ITGB5: variants seen among roughly 807,000 people sequenced by gnomAD.
ITGB5 encodes the protein integrin subunit beta 5, also known as integrin beta-5.
Under a neutral mutation model 84.8 loss-of-function variants are expected in ITGB5, and 38 were observed. The observed-to-expected ratio is 0.45, with a 90% confidence interval of 0.35 to 0.59. The LOEUF (loss-of-function observed/expected upper bound fraction) is 0.59, where lower values mean the gene tolerates loss of function less well. ITGB5 is among the 20% of genes least tolerant of loss of function. ITGB5 has a pLI of 0.01. For missense variants in ITGB5, 905 were observed against 1,034.5 expected (o/e 0.87, Z 1.72); for synonymous variants, 393 against 414.4 (o/e 0.95, Z 0.63).
At chr3:124,868,829 A>AT (rs1236563718) in intron 2 of ITGB5, among the ~76,000 whole-genome samples, 1 of 151,864 alleles carries the variant, frequency 6.6e-6, no homozygotes, top group Non-Finnish European at 1.5e-5. Context: ...ATGATTAAAA[A>AT]TGAAAAAAAA....
chr3:124,795,034 T>C (rs1306802058), intron 10 of ITGB5, among the ~76,000 whole-genome samples: 1 of 152,060 alleles, frequency 6.6e-6, no homozygotes, highest in African/African-American at 2.4e-5. Context: ...GATAGCACCC[T>C]CGGACAAGGA....
At position 124,765,659 on chromosome 3, in the gene ITGB5, G is replaced by A. The variant is rs114047081; in HGVS notation, c.2137+567C>T. Among the ~76,000 whole-genome samples the A allele has an allele frequency of 5.2e-3, 792 of 152,234 alleles. 8 individuals carry two copies. The highest frequency in any genetic ancestry group is 0.018 in the African/African-American group (750 of 41,526). ...TATAACTCCCATTGCCCTGACTCAC[G>A]CTCCCACTAGCGCTTGCCCCAAGAA... is the stretch of plus-strand genomic sequence containing the variant. On this transcript the variant is annotated intron_variant, in intron 13 of 14. Coordinates refer to ENST00000296181, the MANE Select transcript of ITGB5 (RefSeq NM_002213.5).
upstream of ITGB5, among the ~76,000 whole-genome samples, chr3:124,891,133 G>A (rs1934992199): frequency 6.6e-6 from 1 of 152,080 alleles, no homozygotes; most frequent in African/African-American, 2.4e-5. Flanking sequence ...GAAATTTTAT[G>A]TTTCTTATTG....
At chr3:124,892,750 C>T (rs531761624) in intron 1 of ITGB5, among the ~76,000 whole-genome samples, 2 of 147,260 alleles carry the variant, frequency 1.4e-5, no homozygotes, top group East Asian at 3.9e-4. Context: ...TCTATTTTAC[C>T]TGTAAAAATA....
chr3:124,775,303 A>AGT (rs145657259), intron 10 of ITGB5, among the ~76,000 whole-genome samples: 25,040 of 151,876 alleles, frequency 0.16, 2,266 homozygotes, highest in Admixed American at 0.25. Context: ...AGTGTGCATG[A>AGT]GTGTGTACAA....
At position 124,873,338 on chromosome 3, in the gene ITGB5, A is replaced by G. The variant is rs1469425580; in HGVS notation, c.156+108T>C. ...GGAAGAGGCAGCTTACAGAATCTGC[A>G]CAGGATTTTTATGTATAGTGAATTA... On this transcript the variant is annotated intron_variant, in intron 2 of 14. Coordinates refer to ENST00000296181, the MANE Select transcript of ITGB5 (RefSeq NM_002213.5). 4 of 812,396 alleles carry G rather than the reference A, an allele frequency of 4.9e-6. No individual in the cohort carries two copies. The African/African-American group carries it at 6.7e-5, about 14-fold the overall frequency. 50.3% of individuals were successfully genotyped at this position (812,396 alleles called of 1,614,324 possible).
chr3:124,778,496 C>T (rs1244906742), intron 10 of ITGB5, among the ~76,000 whole-genome samples: 4 of 152,300 alleles, frequency 2.6e-5, no homozygotes, highest in African/African-American at 7.2e-5. Flanking sequence ...GCCCCAGCAT[C>T]GACGCTCTGT....
rs151252558 is a variant in ITGB5 at position 124,871,868 on chromosome 3, A to G, written c.156+1578T>C. Among the ~76,000 whole-genome samples, 392 of 151,736 alleles carry G rather than the reference A, an allele frequency of 2.6e-3. 10 individuals carry two copies. In the East Asian group the frequency reaches 0.067, roughly 26 times the overall value. On this transcript the variant is annotated intron_variant, in intron 2 of 14. Coordinates refer to ENST00000296181, the MANE Select transcript of ITGB5 (RefSeq NM_002213.5). ...ATAAAAATAAATAATAAATAAATAA[A>G]TAAATAAAAGAAGGAAAGGAGGAAG...
chr3:124,796,980 C>T (rs1476018418), intron 9 of ITGB5, among the ~76,000 whole-genome samples, 163 bp from the exon 10 acceptor site: 1 of 152,162 alleles, frequency 6.6e-6, no homozygotes, highest in Non-Finnish European at 1.5e-5. Flanking sequence ...ACCTCAGAAC[C>T]AGCAAGCTCC....
intron 11 of ITGB5, among the ~76,000 whole-genome samples, chr3:124,772,728 G>A (rs1449992910): frequency 3.3e-5 from 5 of 152,160 alleles, no homozygotes; most frequent in African/African-American, 7.2e-5. Context: ...AGGTCAGCAC[G>A]GCTATGGGAG....
At chr3:124,837,843 G>A (rs1032286254) in intron 5 of ITGB5, among the ~76,000 whole-genome samples, 3 of 152,202 alleles carry the variant, frequency 2.0e-5, no homozygotes, top group Admixed American at 2.0e-4. Flanking sequence ...CCATCTCCAG[G>A]GCACAGGGTC....
intron 5 of ITGB5, among the ~76,000 whole-genome samples, chr3:124,822,508 G>A (rs575657790): frequency 6.6e-6 from 1 of 152,226 alleles, no homozygotes; most frequent in East Asian, 1.9e-4. Context: ...TCATAATGGT[G>A]GATAAAACAG....
At chr3:124,837,269 C>T (rs1281316532) in intron 5 of ITGB5, among the ~76,000 whole-genome samples, 1 of 152,232 alleles carries the variant, frequency 6.6e-6, no homozygotes, top group African/African-American at 2.4e-5. Flanking sequence ...AACCACACAT[C>T]ACACTTCCGC....
chr3:124,881,830 C>T (rs941150055), intron 1 of ITGB5, among the ~76,000 whole-genome samples: 9 of 152,006 alleles, frequency 5.9e-5, no homozygotes, highest in African/African-American at 2.2e-4. Flanking sequence ...AAGCCAGGTG[C>T]GGTGGTGTAC....
At chr3:124,794,562 C>T (rs2064193189) in intron 10 of ITGB5, among the ~76,000 whole-genome samples, 1 of 152,012 alleles carries the variant, frequency 6.6e-6, no homozygotes, top group Non-Finnish European at 1.5e-5. Flanking sequence ...GGGTGGATCA[C>T]CTGAGGTCAG....
intron 10 of ITGB5, among the ~76,000 whole-genome samples, chr3:124,793,442 C>T (rs2064177845): frequency 6.6e-6 from 1 of 152,210 alleles, no homozygotes; most frequent in African/African-American, 2.4e-5. Context: ...CATTCCACCA[C>T]CCTGGAATTT....
chr3:124,779,722 T>C (rs551717601), intron 10 of ITGB5, among the ~76,000 whole-genome samples: 2 of 152,210 alleles, frequency 1.3e-5, no homozygotes, highest in African/African-American at 4.8e-5. Flanking sequence ...GCCTTGCGGG[T>C]AGGGTTGTTG....
intron 8 of ITGB5, among the ~76,000 whole-genome samples, chr3:124,812,404 G>A (rs1559946982): frequency 6.6e-6 from 1 of 152,180 alleles, no homozygotes; most frequent in Non-Finnish European, 1.5e-5. Flanking sequence ...TGGAGTGGGT[G>A]GGAGCAGACT....
At chr3:124,895,339 G>A (rs576111199) in intron 1 of ITGB5, among the ~76,000 whole-genome samples, 32 of 152,220 alleles carry the variant, frequency 2.1e-4, no homozygotes, top group African/African-American at 7.2e-4. Context: ...CAATCCTCCC[G>A]CCTCAGCCTC....
Sources: gnomAD v4.1 joint callset for allele counts (sites outside exome capture counted in the v4.1 genomes callset) on GRCh38, gnomAD v4.1.1 for gene constraint, MANE v1.5 for transcripts, NCBI Gene and HGNC (gene_info 2026-07-23, HGNC 2026-07-21) for gene names.